Variants in MTMR12 observed in about 807,000 individuals in gnomAD.
MTMR12 encodes the protein myotubularin-related protein 12.
Under a neutral mutation model 96.7 loss-of-function variants are expected in MTMR12, and 33 were observed. That is an observed-to-expected ratio of 0.34 (90% CI 0.26 to 0.46). The LOEUF (loss-of-function observed/expected upper bound fraction) is 0.46, where lower values mean the gene tolerates loss of function less well. Ranked by LOEUF, MTMR12 falls within the 20% of genes least tolerant of loss-of-function variation. MTMR12 has a pLI of 1.00. For missense variants in MTMR12, 721 were observed against 896.1 expected (o/e 0.80, Z 2.49); for synonymous variants, 298 against 327.2 (o/e 0.91, Z 0.96).
intron 1 of MTMR12, among the ~76,000 whole-genome samples, chr5:32,306,906 A>G (rs1039271676): frequency 1.3e-5 from 2 of 152,222 alleles, no homozygotes; most frequent in African/African-American, 4.8e-5. Context: ...CTTAGAAAGT[A>G]TATTTTAGCC....
chr5:32,311,163 T>G (rs1342326561), intron 1 of MTMR12, among the ~76,000 whole-genome samples: 1 of 152,160 alleles, frequency 6.6e-6, no homozygotes, highest in Non-Finnish European at 1.5e-5. Flanking sequence ...AGCCCAAATA[T>G]TTCATGTATC....
intron 15 of MTMR12, among the ~76,000 whole-genome samples, chr5:32,231,444 C>G (rs1462714158): frequency 5.3e-5 from 8 of 150,712 alleles, no homozygotes; most frequent in Non-Finnish European, 1.5e-5. Context: ...TGAGGGTTCC[C>G]CAGTGCCCAA....
chr5:32,298,409 T>C (rs545436191), intron 1 of MTMR12, among the ~76,000 whole-genome samples: 16 of 152,202 alleles, frequency 1.1e-4, no homozygotes, highest in Admixed American at 3.9e-4. Flanking sequence ...CCAAGCTGAA[T>C]TGCAGGTATC....
intron 1 of MTMR12, among the ~76,000 whole-genome samples, chr5:32,311,447 C>A (rs1428524518): frequency 1.3e-5 from 2 of 152,184 alleles, no homozygotes; most frequent in East Asian, 3.9e-4. Context: ...ATGCAAATGC[C>A]TCAGGCCCCA....
intron 1 of MTMR12, among the ~76,000 whole-genome samples, chr5:32,303,760 C>G (rs1425156584): frequency 1.4e-5 from 2 of 143,012 alleles, no homozygotes; most frequent in African/African-American, 5.2e-5. Flanking sequence ...ATCATCCTAA[C>G]AAAGCCAAGA....
At chr5:32,250,327 CAG>C (rs1241774352) in intron 8 of MTMR12, among the ~76,000 whole-genome samples, 1 of 152,180 alleles carries the variant, frequency 6.6e-6, no homozygotes, top group Non-Finnish European at 1.5e-5. Context: ...TGAGCCCAGC[CAG>C]AGAGCAAGGA....
At chr5:32,274,250 ACACTTTT>A in intron 2 of MTMR12, 128 bp from the exon 3 acceptor site, 1 of 1,137,794 alleles carries the variant, frequency 8.8e-7, no homozygotes, top group Non-Finnish European at 1.2e-6. Context: ...TTAGAACTTT[ACACTTTT>A]CAGCATGGCA....
In MTMR12 at chr5:32,310,185, A is replaced by G. The variant is rs1177280402; in HGVS notation, c.81+2573T>C. On this transcript the variant is annotated intron_variant, in intron 1 of 15. Coordinates refer to ENST00000382142, the MANE Select transcript of MTMR12 (RefSeq NM_001040446.3). ...TTTAAAATTAGCCAGGTGCTCTGGC[A>G]TGCACCTGTAGTCCCAGCTACTTGG... is the stretch of plus-strand genomic sequence containing the variant. 3.7e-4 allele frequency among the ~76,000 whole-genome samples: 56 copies of G among 152,198 alleles called. 1 individual carries two copies. The highest frequency in any genetic ancestry group is 7.4e-5 in the Non-Finnish European group (5 of 68,026).
intron 3 of MTMR12, among the ~76,000 whole-genome samples, 159 bp from the exon 4 acceptor site, chr5:32,272,064 G>A (rs1749857637): frequency 6.6e-6 from 1 of 152,032 alleles, no homozygotes; most frequent in Admixed American, 6.6e-5. Flanking sequence ...GGCCGACGCG[G>A]GCGGATCACG....
chr5:32,247,936 C>T, intron 10 of MTMR12, 66 bp downstream of exon 10: 1 of 1,568,024 alleles, frequency 6.4e-7, no homozygotes, highest in Non-Finnish European at 8.7e-7. Context: ...CACCAACTTT[C>T]ACCTGATCTG....
chr5:32,255,064 T>C (rs1215330046), intron 8 of MTMR12, among the ~76,000 whole-genome samples: 1 of 152,156 alleles, frequency 6.6e-6, no homozygotes, highest in East Asian at 1.9e-4. Flanking sequence ...CACGTGACCC[T>C]GCTTAACCAT....
At chr5:32,273,742 G>A (rs1407117914) in intron 3 of MTMR12, among the ~76,000 whole-genome samples, 3 of 152,046 alleles carry the variant, frequency 2.0e-5, no homozygotes, top group Admixed American at 6.6e-5. Flanking sequence ...GGTGGGGAGG[G>A]TGGGGATGAT....
At chr5:32,243,645 A>G in intron 10 of MTMR12, 46 bp from the exon 11 acceptor site, 1 of 1,262,756 alleles carries the variant, frequency 7.9e-7, no homozygotes, top group Middle Eastern at 1.9e-4. Flanking sequence ...TTGTTCACTG[A>G]CATACTTGCC....
chr5:32,243,418 T>C (rs1204797912), intron 11 of MTMR12, 103 bp downstream of exon 11: 1 of 783,604 alleles, frequency 1.3e-6, no homozygotes, highest in African/African-American at 1.7e-5. Flanking sequence ...TCTAAGAATA[T>C]TTAACTGTCA....
At position 32,229,699 on chromosome 5, in the gene MTMR12, A is replaced by G; in HGVS notation, c.*79T>C. 1 of 1,384,830 alleles carries G rather than the reference A, an allele frequency of 7.2e-7. No individual in the cohort carries two copies. Among genetic ancestry groups the G allele is most frequent in the Non-Finnish European group, 9.6e-7 (1 of 1,044,044 alleles). 85.8% of individuals were successfully genotyped at this position (1,384,830 alleles called of 1,614,324 possible). ...CCGGGCTAAGGACCCAGCCAGCATG[A>G]GCTGTAGCGTGACACAAATCCAGGG... On this transcript the variant is annotated 3_prime_UTR_variant, in exon 16 of 16. Coordinates refer to ENST00000382142, the MANE Select transcript of MTMR12 (RefSeq NM_001040446.3).
chr5:32,297,790 T>G (rs1488154682), intron 1 of MTMR12, among the ~76,000 whole-genome samples: 2 of 152,154 alleles, frequency 1.3e-5, no homozygotes, highest in Non-Finnish European at 2.9e-5. Context: ...AAAATAAATG[T>G]TAGGACCCAA....
intron 7 of MTMR12, 57 bp downstream of exon 7, chr5:32,263,056 C>G: frequency 1.3e-6 from 2 of 1,594,398 alleles, no homozygotes. Context: ...TACTAAAAAA[C>G]ACTGTACACT....
chr5:32,312,794 G>A lies in MTMR12; in HGVS notation c.45C>T (p.Ala15=). 2 of 1,533,600 alleles carry A rather than the reference G, an allele frequency of 1.3e-6. No individual in the cohort carries two copies. Among genetic ancestry groups the A allele is most frequent in the South Asian group, 1.2e-5 (1 of 84,468 alleles). The allele number at this position is 1,533,600 out of a possible 1,614,324, so 95.0% of individuals were successfully genotyped here. A position where few individuals can be genotyped will look rare whatever the true frequency, so the allele number is the denominator to read the frequency against. ...GVVGGGGGTK[A]PKPSFVSYVR... ...CGTACGACACGAAGGAGGGCTTGGG[G>A]GCCTTGGTGCCGCCGCCACCGCCGA... The change falls in exon 1 of 16, where the codon GCC becomes GCT. Residue 15 remains alanine, a synonymous_variant. Coordinates refer to ENST00000382142, the MANE Select transcript of MTMR12 (RefSeq NM_001040446.3). The surrounding 1 kb of genome is among the most constrained non-coding windows in gnomAD (Gnocchi z 5.0).
intron 8 of MTMR12, among the ~76,000 whole-genome samples, chr5:32,250,987 T>C (rs1748895758): frequency 1.3e-5 from 2 of 152,174 alleles, no homozygotes; most frequent in Non-Finnish European, 2.9e-5. Context: ...GAATCACAGT[T>C]TGTTAATCTT....
Sources: allele counts gnomAD v4.1 joint callset (sites outside exome capture counted in the v4.1 genomes callset), GRCh38; gene constraint gnomAD v4.1.1; non-coding constraint Gnocchi (gnomAD v3.1); transcripts MANE v1.5; gene names NCBI Gene and HGNC (gene_info 2026-07-23, HGNC 2026-07-21).